GALNS: variants seen among roughly 807,000 people sequenced by gnomAD.
GALNS encodes the protein galactosamine (N-acetyl)-6-sulfatase.
Under a neutral mutation model 65.9 loss-of-function variants are expected in GALNS, and 65 were observed. The ratio of observed to expected loss-of-function variants is 0.99; its 90% CI spans 0.81 to 1.21. The LOEUF is 1.21. GALNS is among the 50% of genes most tolerant of loss of function. GALNS has a pLI of 0.00. For missense variants in GALNS, 776 were observed against 700.7 expected (o/e 1.11, Z -1.21); for synonymous variants, 346 against 288.9 (o/e 1.20, Z -2.00).
chr16:88,850,201 A>G (rs1597595768), intron 1 of GALNS, among the ~76,000 whole-genome samples: 1 of 152,280 alleles, frequency 6.6e-6, no homozygotes. Flanking sequence ...CGCCCGTTAC[A>G]CTGTCTGCCC....
At chr16:88,847,667 G>A (rs1967311762) in intron 1 of GALNS, among the ~76,000 whole-genome samples, 1 of 152,256 alleles carries the variant, frequency 6.6e-6, no homozygotes, top group Non-Finnish European at 1.5e-5. Flanking sequence ...ACAGGGACTA[G>A]AGTCTGATCG....
chr16:88,815,847 G>A (rs765858511), intron 13 of GALNS: 143 of 985,234 alleles, frequency 1.5e-4, no homozygotes, highest in Non-Finnish European at 1.7e-4. Flanking sequence ...CGCAGGGTGT[G>A]TTTGAGTCTG....
intron 13 of GALNS, chr16:88,815,216 T>C: frequency 1.4e-5 from 14 of 985,356 alleles, no homozygotes; most frequent in Non-Finnish European, 1.7e-5. Context: ...ATTGGAGAAA[T>C]GAGAACTTGG....
intron 12 of GALNS, among the ~76,000 whole-genome samples, chr16:88,818,883 C>T (rs1283028576): frequency 6.6e-6 from 1 of 152,212 alleles, no homozygotes; most frequent in Non-Finnish European, 1.5e-5. Flanking sequence ...TTTCTCAATG[C>T]CCAGGCTGGG....
intron 8 of GALNS, among the ~76,000 whole-genome samples, chr16:88,832,466 T>G (rs538182023): frequency 1.2e-4 from 18 of 152,072 alleles, no homozygotes; most frequent in Non-Finnish European, 1.9e-4. Context: ...GTGTTTGGGG[T>G]ACTTAAAATG....
intron 7 of GALNS, 147 bp from the exon 8 acceptor site, chr16:88,835,499 G>C (rs576650799): frequency 7.9e-7 from 1 of 1,273,400 alleles, no homozygotes; most frequent in South Asian, 1.3e-5. Flanking sequence ...TCCCAGAAGA[G>C]GAATGGCCTC....
intron 12 of GALNS, among the ~76,000 whole-genome samples, chr16:88,821,318 C>T (rs1051757358): frequency 4.6e-5 from 7 of 152,150 alleles, no homozygotes; most frequent in Non-Finnish European, 1.0e-4. Context: ...GTCCCGTGGC[C>T]TTCACCATGT....
rs749979032 is a variant in GALNS at position 88,814,511 on chromosome 16, C to T, written c.1497G>A (p.Pro499=). The change falls in exon 14 of 14, where the codon CCG becomes CCA. Residue 499 remains proline, a synonymous_variant. Transcript: ENST00000268695. The part of the protein sequence containing the change: ...CNWAVMNWAP[P]GCEKLGKCLT... ...GACACTTCCCTAACTTTTCACAGCC[C>T]GGAGGTGCCCAGTTCTGGGAAATGA... 1.1e-5 allele frequency: 17 copies of T among 1,557,494 alleles called. No individual in the cohort carries two copies. The highest frequency in any genetic ancestry group is 7.2e-5 in the East Asian group (3 of 41,936).
At chr16:88,821,182 AGAGG>A (rs1229546907) in intron 12 of GALNS, among the ~76,000 whole-genome samples, 3 of 140,498 alleles carry the variant, frequency 2.1e-5, no homozygotes, top group Non-Finnish European at 4.7e-5. Flanking sequence ...TCCAGAGGCC[AGAGG>A]CTGAAACCAA....
chr16:88,827,305 G>A (rs1233769097), intron 9 of GALNS, among the ~76,000 whole-genome samples: 1 of 152,180 alleles, frequency 6.6e-6, no homozygotes, highest in Non-Finnish European at 1.5e-5. Flanking sequence ...GACGGCTCCT[G>A]ACACACCCAG....
At position 88,835,287 on chromosome 16, in the gene GALNS, A is replaced by G. The variant is rs2143001162; in HGVS notation, c.824T>C (p.Leu275Pro). The G allele has an allele frequency of 6.2e-7, 1 of 1,613,264 alleles. No homozygotes were observed. Among genetic ancestry groups the G allele is most frequent in the Non-Finnish European group, 8.5e-7 (1 of 1,179,714 alleles). Residue 275 changes from leucine to proline, a missense_variant, in exon 8 of 14, where the codon CTG (leucine) becomes CCG (proline). Leu to Pro is a moderately conservative substitution (Grantham distance 98). Transcript: ENST00000268695. ...GACGAAGGTGTTGTCCGCGACGTGC[A>G]GGTCTTGGAGGAGCTCCAGTATCTT... Reference protein sequence around the residue: ...IGKILELLQDLHVADNTFVFF... With the variant: ...IGKILELLQDPHVADNTFVFF...
chr16:88,814,769 T>A lies in GALNS; in HGVS notation c.1483-244A>T, dbSNP rs146779867. 1.6e-3 allele frequency among the ~76,000 whole-genome samples: 243 copies of A among 152,236 alleles called. 2 individuals carry two copies. Among genetic ancestry groups the A allele is most frequent in the Middle Eastern group, 0.01 (3 of 294 alleles). On this transcript the variant is annotated intron_variant, in intron 13 of 13. Transcript: ENST00000268695. ...GCACGCGCCACCACGCCTGGCTAATTTTTGTATTTTTAGTAGAGACGGAGT... is the reference window on the plus strand; with the variant it reads ...GCACGCGCCACCACGCCTGGCTAATATTTGTATTTTTAGTAGAGACGGAGT...
chr16:88,835,515 A>G (rs1047388448), intron 7 of GALNS, among the ~76,000 whole-genome samples, 163 bp from the exon 8 acceptor site: 1 of 152,188 alleles, frequency 6.6e-6, no homozygotes. Flanking sequence ...GCCTCAGTTC[A>G]AGTTCATGTG....
rs1311656799 is a variant in GALNS, at chr16:88,828,235, T to C, written c.1003-1397A>G. 6.8e-6 allele frequency among the ~76,000 whole-genome samples: 1 copy of C among 147,318 alleles called. No homozygotes were observed. The highest frequency in any genetic ancestry group is 2.5e-5 in the African/African-American group (1 of 39,604). On this transcript the variant is annotated intron_variant, in intron 9 of 13. Coordinates refer to ENST00000268695, the MANE Select transcript of GALNS (RefSeq NM_000512.5). ...GAAAGAAATCCAGATGCTTTTGTCA[T>C]CTGAAAAAATAACTGCGGAGCAGTG...
intron 13 of GALNS, chr16:88,814,766 A>C (rs577197147): frequency 4.4e-6 from 1 of 229,404 alleles, no homozygotes; most frequent in East Asian, 1.8e-4. Flanking sequence ...ACGCCTGGCT[A>C]ATTTTTGTAT....
At chr16:88,826,617 TG>T in intron 10 of GALNS, 84 bp downstream of exon 10, 1 of 1,509,450 alleles carries the variant, frequency 6.6e-7, no homozygotes, top group Non-Finnish European at 9.1e-7. Flanking sequence ...GGAGGGCTGC[TG>T]GGCCTGGGGG....
At chr16:88,834,910 C>T (rs941848390) in intron 8 of GALNS, among the ~76,000 whole-genome samples, 4 of 152,182 alleles carry the variant, frequency 2.6e-5, no homozygotes, top group Non-Finnish European at 5.9e-5. Context: ...TGTTTCCATG[C>T]GGCCTCCAAA....
intron 13 of GALNS, chr16:88,817,277 C>G (rs2142979411): frequency 1.0e-6 from 1 of 985,448 alleles, no homozygotes; most frequent in African/African-American, 1.7e-5. Flanking sequence ...GTGGCCTGAA[C>G]ACAGACTTCA....
intron 12 of GALNS, among the ~76,000 whole-genome samples, chr16:88,820,397 G>A (rs1438715139): frequency 6.6e-6 from 1 of 152,234 alleles, no homozygotes; most frequent in Admixed American, 6.5e-5. Flanking sequence ...CCAAAGTGCT[G>A]GGATTACAGG....
Sources: allele counts gnomAD v4.1 joint callset (sites outside exome capture counted in the v4.1 genomes callset), GRCh38; gene constraint gnomAD v4.1.1; transcripts MANE v1.5; gene names NCBI Gene and HGNC (gene_info 2026-07-23, HGNC 2026-07-21).